Variants in IQCK observed in about 807,000 individuals in gnomAD.
IQCK encodes IQ motif containing K.
A neutral mutation model predicts 28.1 loss-of-function variants in IQCK; 29 were observed. The ratio of observed to expected loss-of-function variants is 1.03; its 90% CI spans 0.77 to 1.41. The LOEUF is 1.41. Ranked by LOEUF, IQCK falls within the 40% of genes most tolerant of loss-of-function variation. The probability of loss-of-function intolerance (pLI) is 0.00; values close to 1 mark genes in which losing one functional copy is unlikely to be tolerated. For synonymous variants in IQCK, 113 were observed against 115.1 expected (o/e 0.98, Z 0.12); for missense variants, 359 against 314.7 (o/e 1.14, Z -1.07).
At chr16:19,732,702 A>G (rs1398790326) in intron 2 of IQCK, among the ~76,000 whole-genome samples, 2 of 152,310 alleles carry the variant, frequency 1.3e-5, no homozygotes, top group Admixed American at 6.5e-5. Context: ...GACTCAAGCC[A>G]TCTGCCCTCC....
At chr16:19,720,352 T>C (rs142363459) in intron 1 of IQCK, among the ~76,000 whole-genome samples, 113 of 152,366 alleles carry the variant, frequency 7.4e-4, no homozygotes, top group Admixed American at 1.6e-3. Flanking sequence ...ACGGTAGTTA[T>C]TGTGGCTGCC....
At chr16:19,734,564 G>C (rs948126079) in intron 3 of IQCK, among the ~76,000 whole-genome samples, 5 of 151,852 alleles carry the variant, frequency 3.3e-5, no homozygotes, top group African/African-American at 1.2e-4. Flanking sequence ...GGGAAGCGGA[G>C]GTTGCAGTGA....
chr16:19,785,333 A>G (rs1432630936), intron 6 of IQCK, among the ~76,000 whole-genome samples: 1 of 152,174 alleles, frequency 6.6e-6, no homozygotes, highest in African/African-American at 2.4e-5. Flanking sequence ...CTGGAGGCAG[A>G]GGAAAGCACC....
intron 4 of IQCK, chr16:19,761,633 T>C (rs1056428609): frequency 1.7e-5 from 5 of 293,450 alleles, no homozygotes; most frequent in African/African-American, 1.1e-4. Context: ...CTGGTATTCT[T>C]TGGGTTACAA....
chr16:19,751,191 C>T (rs970874660), intron 4 of IQCK, among the ~76,000 whole-genome samples: 1 of 152,042 alleles, frequency 6.6e-6, no homozygotes, highest in Non-Finnish European at 1.5e-5. Context: ...TGGGAGCCAT[C>T]GTTATTAAGA....
chr16:19,745,527 G>A (rs911652508), intron 4 of IQCK, among the ~76,000 whole-genome samples: 7 of 152,148 alleles, frequency 4.6e-5, no homozygotes, highest in African/African-American at 1.4e-4. Flanking sequence ...AATTAGAGCC[G>A]TGACTCAACC....
intron 9 of IQCK, among the ~76,000 whole-genome samples, chr16:19,833,543 G>T (rs11641786): frequency 0.1 from 15,760 of 152,180 alleles, 917 homozygotes; most frequent in Non-Finnish European, 0.13. Context: ...GCTGAGACTT[G>T]ATTTTTCTTT....
chr16:19,773,848 A>G (rs2055351333), intron 6 of IQCK, among the ~76,000 whole-genome samples: 1 of 152,164 alleles, frequency 6.6e-6, no homozygotes, highest in South Asian at 2.1e-4. Context: ...AAGGAGAGAA[A>G]AGTTTATGAT....
intron 1 of IQCK, among the ~76,000 whole-genome samples, chr16:19,725,971 A>G (rs960194775): frequency 1.4e-5 from 2 of 146,474 alleles, no homozygotes; most frequent in African/African-American, 5.1e-5. Flanking sequence ...GCTGGAGTGC[A>G]GCGGCTCGAT....
intron 9 of IQCK, among the ~76,000 whole-genome samples, chr16:19,839,859 G>A (rs921507317): frequency 4.6e-5 from 7 of 152,120 alleles, no homozygotes; most frequent in East Asian, 1.9e-4. Context: ...ACTGGGTAGC[G>A]TGGTGCATGC....
chr16:19,811,985 A>ATTTT (rs11290117), intron 7 of IQCK, among the ~76,000 whole-genome samples: 1 of 131,120 alleles, frequency 7.6e-6, no homozygotes. Context: ...AATAGCCTTA[A>ATTTT]TTTTTTTTTT....
At chr16:19,760,412 C>T (rs1448015376) in intron 4 of IQCK, among the ~76,000 whole-genome samples, 1 of 152,128 alleles carries the variant, frequency 6.6e-6, no homozygotes, top group Non-Finnish European at 1.5e-5. Flanking sequence ...TTTGTCTACC[C>T]AACAGCATCT....
chr16:19,745,136 T>TA (rs370380181), intron 4 of IQCK, among the ~76,000 whole-genome samples: 7 of 152,244 alleles, frequency 4.6e-5, no homozygotes, highest in African/African-American at 1.7e-4. Flanking sequence ...TCAGGAAAAA[T>TA]AAAAGTTAAT....
chr16:19,748,775 G>A (rs1224833568), intron 4 of IQCK, among the ~76,000 whole-genome samples: 2 of 152,038 alleles, frequency 1.3e-5, no homozygotes, highest in Admixed American at 1.3e-4. Context: ...AAAATGATAG[G>A]TATTAGTAAA....
chr16:19,733,384 C>CT (rs1977903031), intron 2 of IQCK, among the ~76,000 whole-genome samples: 1 of 152,172 alleles, frequency 6.6e-6, no homozygotes, highest in Non-Finnish European at 1.5e-5. Context: ...GATGATCCAT[C>CT]TGCTTTGGCT....
intron 7 of IQCK, among the ~76,000 whole-genome samples, chr16:19,816,217 G>A (rs1032617858): frequency 8.5e-5 from 13 of 152,158 alleles, no homozygotes. Context: ...GATCCACAAT[G>A]GGTAATTTCA....
intron 6 of IQCK, among the ~76,000 whole-genome samples, chr16:19,785,866 T>A (rs1315305435): frequency 6.6e-6 from 1 of 152,190 alleles, no homozygotes; most frequent in East Asian, 1.9e-4. Flanking sequence ...TTTCAATAAA[T>A]CCCTGCTTTT....
chr16:19,777,271 A>G (rs1597549379), intron 6 of IQCK, among the ~76,000 whole-genome samples: 1 of 152,276 alleles, frequency 6.6e-6, no homozygotes, highest in Non-Finnish European at 1.5e-5. Flanking sequence ...ACAGAGGTGA[A>G]AACAAAAGTG....
At chr16:19,837,249 A>T (rs2056310242) in intron 9 of IQCK, among the ~76,000 whole-genome samples, 2 of 152,046 alleles carry the variant, frequency 1.3e-5, no homozygotes, top group South Asian at 4.2e-4. Context: ...AAAAATATGA[A>T]AACTAGCTGG....
Sources: gnomAD v4.1 joint callset for allele counts (sites outside exome capture counted in the v4.1 genomes callset) on GRCh38, gnomAD v4.1.1 for gene constraint, MANE v1.5 for transcripts, NCBI Gene and HGNC (gene_info 2026-07-23, HGNC 2026-07-21) for gene names.